Variants in BPIFA3 observed in about 807,000 individuals in gnomAD.
BPIFA3 encodes the protein BPI fold-containing family A member 3.
In BPIFA3, 32 loss-of-function variants were observed where a neutral mutation model predicts 29.7. The ratio of observed to expected loss-of-function variants is 1.08; its 90% CI spans 0.81 to 1.45. The LOEUF is 1.45. BPIFA3 is among the 40% of genes most tolerant of loss of function. The probability of loss-of-function intolerance (pLI) is 0.00; values close to 1 mark genes in which losing one functional copy is unlikely to be tolerated. For missense variants in BPIFA3, 323 were observed against 311.3 expected, an observed-to-expected ratio of 1.04 and a Z score of -0.28; for synonymous variants, 112 against 113.7, an observed-to-expected ratio of 0.98 and a Z score of 0.10.
rs368253945 is a variant in BPIFA3, at chr20:33,217,486, G to A, written c.-51G>A. 3.5e-4 allele frequency: 552 copies of A among 1,595,084 alleles called. 2 individuals are homozygous for A. Among genetic ancestry groups the A allele is most frequent in the Non-Finnish European group, 4.0e-4 (474 of 1,172,482 alleles). The stretch of plus-strand genomic sequence containing the variant: ...CCTCCAGACTGCCACCCTCAAAGCC[G>A]TCTGCCCAGGCCCCATCTGACACTC... On this transcript the variant is annotated 5_prime_UTR_variant, in exon 1 of 7. Coordinates refer to ENST00000375454, the MANE Select transcript of BPIFA3 (RefSeq NM_178466.5).
In BPIFA3 at chr20:33,218,458, C is replaced by A. The variant is rs117315052; in HGVS notation, c.127+795C>A. 5.3e-5 allele frequency among the ~76,000 whole-genome samples: 8 copies of A among 152,348 alleles called. No homozygotes were observed. The East Asian group carries it at 1.3e-3, about 26-fold the overall frequency. On this transcript the variant is annotated intron_variant, in intron 1 of 6. Transcript: ENST00000375454. ...TATCAGTCAGCTAGGGCTGTCCTCA[C>A]AAGACACCACAGACTGGGAATTAAA...
intron 1 of BPIFA3, among the ~76,000 whole-genome samples, chr20:33,222,198 C>G (rs1202294796): frequency 1.3e-5 from 2 of 152,222 alleles, no homozygotes; most frequent in African/African-American, 2.4e-5. Context: ...AAGTTTGCCT[C>G]CAGACTAGAT....
intron 1 of BPIFA3, among the ~76,000 whole-genome samples, chr20:33,220,828 C>G (rs1985477032): frequency 6.6e-6 from 1 of 152,150 alleles, no homozygotes; most frequent in African/African-American, 2.4e-5. Flanking sequence ...CTGACACTTC[C>G]TGTGCCTTTT....
chr20:33,222,550 GGACA>G (rs1985560839), intron 1 of BPIFA3, among the ~76,000 whole-genome samples: 1 of 141,910 alleles, frequency 7.0e-6, no homozygotes, highest in Non-Finnish European at 1.5e-5. Flanking sequence ...ATGGATAGAT[GGACA>G]GATGGATGGA....
chr20:33,227,021 C>A (rs770664290), intron 6 of BPIFA3, 28 bp downstream of exon 6: 3 of 1,597,920 alleles, frequency 1.9e-6, no homozygotes, highest in Non-Finnish European at 2.6e-6. Flanking sequence ...CCAGTGAGGA[C>A]TTCTTAGGAC....
In BPIFA3 at chr20:33,227,783, T is replaced by C. The variant is rs1978374479; in HGVS notation, c.*166T>C. 1 of 590,600 alleles carries C rather than the reference T, an allele frequency of 1.7e-6. No individual in the cohort carries two copies. Among genetic ancestry groups the C allele is most frequent in the Admixed American group, 2.9e-5 (1 of 33,928 alleles). 36.6% of individuals were successfully genotyped at this position (590,600 alleles called of 1,614,324 possible). A position where few individuals can be genotyped will look rare whatever the true frequency, so the allele number is the denominator to read the frequency against. ...GCACAGGTCCCTCCCACCTGGGCCCTGGGGTTTAGGTCTAGAAGTCAGACC... is the reference window on the plus strand; with the variant it reads ...GCACAGGTCCCTCCCACCTGGGCCCCGGGGTTTAGGTCTAGAAGTCAGACC... On this transcript the variant is annotated 3_prime_UTR_variant, in exon 7 of 7. Transcript: ENST00000375454.
chr20:33,220,159 G>A (rs1163049049), intron 1 of BPIFA3, among the ~76,000 whole-genome samples: 1 of 151,288 alleles, frequency 6.6e-6, no homozygotes, highest in Non-Finnish European at 1.5e-5. Context: ...AGCACTTTGA[G>A]AGGCTGAGGT....
chr20:33,226,198 C>A (rs1387799254), intron 4 of BPIFA3: 1 of 510,088 alleles, frequency 2.0e-6, no homozygotes. Context: ...GCTCTATTGC[C>A]ATGTTTCTAA....
chr20:33,226,497 T>C lies in BPIFA3; in HGVS notation c.621+7T>C. On this transcript the variant is annotated splice_region_variant and intron_variant, in intron 5 of 6. Coordinates refer to ENST00000375454, the MANE Select transcript of BPIFA3 (RefSeq NM_178466.5). The stretch of plus-strand genomic sequence containing the variant: ...ACACATGGTAGAAAGTCAGGTAAGT[T>C]TAGAAAAAACTTTGCATCTTGAGCA... The C allele has an allele frequency of 6.3e-7, 1 of 1,594,806 alleles. No homozygotes were observed. The highest frequency in any genetic ancestry group is 8.6e-7 in the Non-Finnish European group (1 of 1,166,816).
intron 1 of BPIFA3, among the ~76,000 whole-genome samples, chr20:33,219,403 TATTTTC>T (rs1985409960): frequency 6.6e-6 from 1 of 152,242 alleles, no homozygotes; most frequent in African/African-American, 2.4e-5. Flanking sequence ...TGAACAGGAA[TATTTTC>T]AAATTCATCA....
intron 1 of BPIFA3, among the ~76,000 whole-genome samples, chr20:33,219,875 C>T (rs192573654): frequency 8.6e-5 from 13 of 151,976 alleles, no homozygotes; most frequent in Admixed American, 7.2e-4. Context: ...GGTGGGAAAT[C>T]GCTTGAGCCT....
chr20:33,220,018 T>G (rs529524218), intron 1 of BPIFA3, among the ~76,000 whole-genome samples: 2 of 151,718 alleles, frequency 1.3e-5, no homozygotes, highest in East Asian at 3.9e-4. Context: ...GAGGATCACT[T>G]GTGCCCAGGA....
intron 3 of BPIFA3, among the ~76,000 whole-genome samples, chr20:33,224,692 A>C (rs2146487840): frequency 6.6e-6 from 1 of 152,320 alleles, no homozygotes; most frequent in East Asian, 1.9e-4. Flanking sequence ...CAAACCTATG[A>C]GAGTTCACAA....
rs138726924 is a variant in BPIFA3 at position 33,221,534 on chromosome 20, C to A, written c.128-2277C>A. On this transcript the variant is annotated intron_variant, in intron 1 of 6. Transcript: ENST00000375454. ...TAAAACTAATATGTAACTTTCTTTTCTTGGTACTGTCCTTGAGGCTAGGAA... is the reference window on the plus strand; with the variant it reads ...TAAAACTAATATGTAACTTTCTTTTATTGGTACTGTCCTTGAGGCTAGGAA... Among the ~76,000 whole-genome samples the A allele has an allele frequency of 2.3e-3, 349 of 152,312 alleles. 1 individual carries two copies. The highest frequency in any genetic ancestry group is 7.8e-3 in the African/African-American group (325 of 41,566).
chr20:33,225,339 C>G lies in BPIFA3; in HGVS notation c.536+92C>G. On this transcript the variant is annotated intron_variant, in intron 4 of 6. Transcript: ENST00000375454. ...CTTCCTGACCGTCTCCTAAATTAGTCCAAAGCAGATCTCATCCTTCCCCCG... is the reference window on the plus strand; with the variant it reads ...CTTCCTGACCGTCTCCTAAATTAGTGCAAAGCAGATCTCATCCTTCCCCCG... The G allele has an allele frequency of 6.4e-6, 10 of 1,559,764 alleles. No individual in the cohort carries two copies. The South Asian group carries it at 1.0e-4, about 16-fold the overall frequency.
intron 3 of BPIFA3, among the ~76,000 whole-genome samples, chr20:33,224,697 T>G (rs1447809586): frequency 6.6e-6 from 1 of 152,192 alleles, no homozygotes; most frequent in Non-Finnish European, 1.5e-5. Context: ...CTATGAGAGT[T>G]CACAACAACT....
chr20:33,219,066 C>T (rs1166660593), intron 1 of BPIFA3, among the ~76,000 whole-genome samples: 2 of 151,842 alleles, frequency 1.3e-5, no homozygotes, highest in African/African-American at 4.8e-5. Context: ...CCACCATGCC[C>T]GGCTAATTTT....
chr20:33,219,430 T>C (rs1225976569), intron 1 of BPIFA3, among the ~76,000 whole-genome samples: 1 of 152,252 alleles, frequency 6.6e-6, no homozygotes, highest in Non-Finnish European at 1.5e-5. Flanking sequence ...ATATTTTGTT[T>C]TATAGTTTGT....
intron 1 of BPIFA3, among the ~76,000 whole-genome samples, chr20:33,222,810 A>C (rs1247042742): frequency 6.6e-6 from 1 of 152,226 alleles, no homozygotes; most frequent in African/African-American, 2.4e-5. Context: ...AGTTCTGGGC[A>C]TACCTATAGG....
Sources: allele counts gnomAD v4.1 joint callset (sites outside exome capture counted in the v4.1 genomes callset), GRCh38; gene constraint gnomAD v4.1.1; transcripts MANE v1.5; gene names NCBI Gene and HGNC (gene_info 2026-07-23, HGNC 2026-07-21).